GRM1: variants seen among roughly 807,000 people sequenced by gnomAD.
GRM1 encodes the protein glutamate metabotropic receptor 1, also known as metabotropic glutamate receptor 1.
Under a neutral mutation model 90.9 loss-of-function variants are expected in GRM1, and 33 were observed. The ratio of observed to expected loss-of-function variants is 0.36; its 90% CI spans 0.28 to 0.49. The LOEUF is 0.49. Ranked by LOEUF, GRM1 falls within the 20% of genes least tolerant of loss-of-function variation. The pLI is 0.99. For synonymous variants in GRM1, 700 were observed against 613.2 expected (o/e 1.14, Z -2.09); for missense variants, 1,190 against 1,534.3 (o/e 0.78, Z 3.75).
chr6:146,172,788 C>T (rs1441331239), intron 2 of GRM1, among the ~76,000 whole-genome samples: 1 of 152,002 alleles, frequency 6.6e-6, no homozygotes, highest in Non-Finnish European at 1.5e-5. Flanking sequence ...TTTTATAGTC[C>T]TAGAATTTGT....
chr6:146,339,766 G>A (rs1784904748), intron 3 of GRM1, among the ~76,000 whole-genome samples: 1 of 152,196 alleles, frequency 6.6e-6, no homozygotes, highest in African/African-American at 2.4e-5. Context: ...TTGGTGGCAG[G>A]AATAGGGGAA....
chr6:146,042,138 A>C (rs1180300725), intron 1 of GRM1, among the ~76,000 whole-genome samples: 1 of 152,046 alleles, frequency 6.6e-6, no homozygotes, highest in Non-Finnish European at 1.5e-5. Flanking sequence ...AAAAGTCTCT[A>C]TCTTTTAATA....
rs78218609 is a variant in GRM1, at chr6:146,289,989, G to A, written c.951-14622G>A. ...TTGTACCTGTAGCGAAGTGTGAAAGGAAGGAAATGAAAGAGATGTTAGGCA... is the reference window on the plus strand; with the variant it reads ...TTGTACCTGTAGCGAAGTGTGAAAGAAAGGAAATGAAAGAGATGTTAGGCA... On this transcript the variant is annotated intron_variant, in intron 2 of 7. Coordinates refer to ENST00000282753, the MANE Select transcript of GRM1 (RefSeq NM_001278064.2). Among the ~76,000 whole-genome samples the A allele has an allele frequency of 9.2e-3, 1,407 of 152,284 alleles. 14 individuals carry two copies. The highest frequency in any genetic ancestry group is 0.033 in the African/African-American group (1,354 of 41,552).
intron 2 of GRM1, among the ~76,000 whole-genome samples, chr6:146,220,219 A>G (rs902786839): frequency 6.6e-6 from 1 of 152,164 alleles, no homozygotes; most frequent in African/African-American, 2.4e-5. Context: ...AGCAGTGTAA[A>G]TATAGGTAGT....
At position 146,322,459 on chromosome 6, in the gene GRM1, G is replaced by A. The variant is rs566959687; in HGVS notation, c.1186+17613G>A. Among the ~76,000 whole-genome samples the A allele has an allele frequency of 2.2e-3, 335 of 152,290 alleles. 3 individuals are homozygous for A. Among genetic ancestry groups the A allele is most frequent in the African/African-American group, 7.7e-3 (320 of 41,568 alleles). On this transcript the variant is annotated intron_variant, in intron 3 of 7. Transcript: ENST00000282753. ...CCACTGCTCTCTTCAGAGCTGGCAG[G>A]CAGGAAAGTTTAAGTCTGCTGAAGC...
chr6:146,338,731 A>T (rs1343689310), intron 3 of GRM1, among the ~76,000 whole-genome samples: 1 of 152,212 alleles, frequency 6.6e-6, no homozygotes, highest in Non-Finnish European at 1.5e-5. Flanking sequence ...GTGGAATGTT[A>T]TGGGGGTACA....
chr6:146,159,618 C>G (rs1777638824), intron 2 of GRM1, 21 bp downstream of exon 2: 1 of 1,352,252 alleles, frequency 7.4e-7, no homozygotes, highest in Non-Finnish European at 1.0e-6. Context: ...CTCTCTCTCT[C>G]TCTCTCTCTC....
intron 3 of GRM1, among the ~76,000 whole-genome samples, chr6:146,326,667 T>TAA (rs1382194856): frequency 6.6e-6 from 1 of 152,166 alleles, no homozygotes; most frequent in Non-Finnish European, 1.5e-5. Context: ...AATATAAATA[T>TAA]ACTGTGCAGC....
intron 6 of GRM1, among the ~76,000 whole-genome samples, chr6:146,389,634 A>G (rs1441382634): frequency 1.3e-5 from 2 of 152,114 alleles, no homozygotes; most frequent in South Asian, 2.1e-4. Context: ...TAACGATTTA[A>G]TATGCCATGA....
intron 1 of GRM1, among the ~76,000 whole-genome samples, chr6:146,066,456 T>C (rs577239549): frequency 6.6e-6 from 1 of 152,324 alleles, no homozygotes; most frequent in African/African-American, 2.4e-5. Context: ...CAATCCACCA[T>C]TGATGGGTAC....
chr6:146,095,395 C>G (rs1776843764), intron 1 of GRM1, among the ~76,000 whole-genome samples: 1 of 152,132 alleles, frequency 6.6e-6, no homozygotes, highest in African/African-American at 2.4e-5. Flanking sequence ...CACATGGAAG[C>G]TCAGGAATGG....
In GRM1 at chr6:146,425,603, T is replaced by C. The variant is rs142994233; in HGVS notation, c.2661-8269T>C. Among the ~76,000 whole-genome samples, 289 of 152,314 alleles carry C rather than the reference T, an allele frequency of 1.9e-3. 3 individuals are homozygous for C. The highest frequency in any genetic ancestry group is 6.7e-3 in the African/African-American group (279 of 41,576). On this transcript the variant is annotated intron_variant, in intron 7 of 7. Coordinates refer to ENST00000282753, the MANE Select transcript of GRM1 (RefSeq NM_001278064.2). Reference sequence around the variant, plus strand: ...ACATTGATGAGTTTGAGGAGCCCTGTAGAGAACTGCATCATGGCCAGAGTC... The same window carrying C: ...ACATTGATGAGTTTGAGGAGCCCTGCAGAGAACTGCATCATGGCCAGAGTC...
In GRM1 at chr6:146,436,775, A is replaced by T. The variant is rs1452992784; in HGVS notation, c.*1979A>T. ...CCTTAAATATCTTTGTTTATGCCTT[A>T]TGTTCAGTCATATTTTAATATGCTT... On this transcript the variant is annotated 3_prime_UTR_variant, in exon 8 of 8. Coordinates refer to ENST00000282753, the MANE Select transcript of GRM1 (RefSeq NM_001278064.2). The T allele has an allele frequency of 6.6e-6, 1 of 152,518 alleles. No homozygotes were observed. The highest frequency in any genetic ancestry group is 1.5e-5 in the Non-Finnish European group (1 of 67,988). 9.4% of individuals were successfully genotyped at this position (152,518 alleles called of 1,614,324 possible). A position where few individuals can be genotyped will look rare whatever the true frequency, so the allele number is the denominator to read the frequency against.
Position 146,434,735 on chromosome 6 carries a change from C to T in GRM1, c.3524C>T (p.Pro1175Leu). 6.2e-7 allele frequency: 1 copy of T among 1,600,858 alleles called. No individual in the cohort carries two copies. Among genetic ancestry groups the T allele is most frequent in the South Asian group, 1.1e-5 (1 of 91,078 alleles). ...PVSESVLCTP[P>L]NVSYASVILR... ...TCCGAGTCGGTGCTCTGCACCCCTC[C>T]CAACGTATCCTACGCCTCTGTCATT... The change falls in exon 8 of 8, where the codon CCC becomes CTC. Residue 1175 changes from proline to leucine, a missense_variant. By Grantham distance (98) the Pro-to-Leu change is moderately conservative (BLOSUM62 -3). Transcript: ENST00000282753.
chr6:146,156,123 C>T lies in GRM1; in HGVS notation c.701-3225C>T, dbSNP rs540970092. Among the ~76,000 whole-genome samples, 45 of 152,184 alleles carry T rather than the reference C, an allele frequency of 3.0e-4. No individual in the cohort carries two copies. The South Asian group carries it at 8.7e-3, about 30-fold the overall frequency. On this transcript the variant is annotated intron_variant, in intron 1 of 7. Coordinates refer to ENST00000282753, the MANE Select transcript of GRM1 (RefSeq NM_001278064.2). ...AGCTACCATGAAAGTAGGCTTCTAT[C>T]GGCCAGGCACAGTGACTCATGCCTG...
chr6:146,252,607 C>T (rs1232714247), intron 2 of GRM1, among the ~76,000 whole-genome samples: 1 of 151,424 alleles, frequency 6.6e-6, no homozygotes, highest in African/African-American at 2.4e-5. Context: ...GAGCAAACCT[C>T]CAACTCAAAA....
intron 1 of GRM1, among the ~76,000 whole-genome samples, chr6:146,109,166 C>T (rs562392759): frequency 3.3e-5 from 5 of 152,320 alleles, no homozygotes; most frequent in African/African-American, 1.2e-4. Flanking sequence ...ACCCCCAAGA[C>T]AATGGGGAAA....
At chr6:146,391,507 C>T (rs1394017732) in intron 6 of GRM1, among the ~76,000 whole-genome samples, 1 of 151,914 alleles carries the variant, frequency 6.6e-6, no homozygotes, top group Non-Finnish European at 1.5e-5. Context: ...GGTAGTCTCC[C>T]CTCTTTCTAG....
At chr6:146,270,907 TTC>T (rs1375140355) in intron 2 of GRM1, among the ~76,000 whole-genome samples, 3 of 114,912 alleles carry the variant, frequency 2.6e-5, no homozygotes, top group East Asian at 2.2e-4. Flanking sequence ...CTTTCTTTCT[TTC>T]TTTCTTCCTT....
Sources: gnomAD v4.1 joint callset for allele counts (sites outside exome capture counted in the v4.1 genomes callset) on GRCh38, gnomAD v4.1.1 for gene constraint, MANE v1.5 for transcripts, NCBI Gene and HGNC (gene_info 2026-07-23, HGNC 2026-07-21) for gene names.